PPP3CC: variants seen among roughly 807,000 people sequenced by gnomAD.
PPP3CC encodes the protein protein phosphatase 3 catalytic subunit gamma.
PPP3CC carries 35 observed loss-of-function variants against 60.3 expected under a neutral mutation model. That is an observed-to-expected ratio of 0.58 (90% confidence interval 0.44 to 0.77). PPP3CC has a LOEUF of 0.77. PPP3CC is among the 30% of genes least tolerant of loss of function. PPP3CC has a pLI of 0.00. For synonymous variants in PPP3CC, 206 were observed against 224.3 expected, an observed-to-expected ratio of 0.92 and a Z score of 0.73; for missense variants, 570 against 628.9, an observed-to-expected ratio of 0.91 and a Z score of 1.00.
rs768418660 is a variant in PPP3CC, at chr8:22,532,241, T to C, written c.1158T>C (p.Arg386=). ...DDEAEGSTTV[R]KEIIRNKIRA... Reference sequence around the variant, plus strand: ...TTCTCTAAGGAAGCACTACAGTTCGTAAGGAGATCATCAGGAATAAGATCA... The same window carrying C: ...TTCTCTAAGGAAGCACTACAGTTCGCAAGGAGATCATCAGGAATAAGATCA... Residue 386 remains arginine, a synonymous_variant, in exon 11 of 14, where the codon CGT becomes CGC. Coordinates refer to ENST00000240139, the MANE Select transcript of PPP3CC (RefSeq NM_005605.5). The C allele has an allele frequency of 1.2e-6, 2 of 1,612,364 alleles. No individual in the cohort carries two copies. The highest frequency in any genetic ancestry group is 2.2e-5 in the South Asian group (2 of 91,038).
chr8:22,493,452 A>G (rs528223089), intron 3 of PPP3CC, among the ~76,000 whole-genome samples: 10 of 152,164 alleles, frequency 6.6e-5, no homozygotes, highest in African/African-American at 2.4e-4. Context: ...AAGTGGTATT[A>G]TGAGTGAATG....
intron 5 of PPP3CC, among the ~76,000 whole-genome samples, chr8:22,512,527 G>A (rs966007405): frequency 7.9e-5 from 12 of 152,052 alleles, no homozygotes; most frequent in Admixed American, 1.3e-4. Context: ...TACAAAATTA[G>A]CATTCTTTAA....
At chr8:22,459,685 G>C (rs985962390) in intron 1 of PPP3CC, among the ~76,000 whole-genome samples, 30 of 152,244 alleles carry the variant, frequency 2.0e-4, no homozygotes, top group African/African-American at 7.2e-4. Flanking sequence ...AAGTACAAGA[G>C]ATTATTTAAT....
At chr8:22,478,215 G>C (rs796182102) in intron 3 of PPP3CC, among the ~76,000 whole-genome samples, 11 of 151,530 alleles carry the variant, frequency 7.3e-5, no homozygotes, top group African/African-American at 2.4e-4. Context: ...GCAGTGGCAC[G>C]ATCTTGGCTC....
rs1315306472 is a variant in PPP3CC at position 22,519,559 on chromosome 8, T to C, written c.771-2932T>C. 2.6e-5 allele frequency among the ~76,000 whole-genome samples: 4 copies of C among 152,244 alleles called. No individual in the cohort carries two copies. In the East Asian group the frequency reaches 5.8e-4, roughly 22 times the overall value. On this transcript the variant is annotated intron_variant, in intron 6 of 13. Transcript: ENST00000240139. ...GTTTGCATCAAACATTTTATAGTTATAGCACTCTGTCTTACGCTGAGAAGA... is the reference window on the plus strand; with the variant it reads ...GTTTGCATCAAACATTTTATAGTTACAGCACTCTGTCTTACGCTGAGAAGA...
At chr8:22,539,332 C>A in intron 12 of PPP3CC, 137 bp from the exon 13 acceptor site, 1 of 668,654 alleles carries the variant, frequency 1.5e-6, no homozygotes, top group Non-Finnish European at 2.5e-6. Context: ...GCTTCTCTAA[C>A]TAGTTGACTT....
chr8:22,507,839 G>A (rs1000966921), intron 4 of PPP3CC, among the ~76,000 whole-genome samples: 1 of 152,168 alleles, frequency 6.6e-6, no homozygotes, highest in Non-Finnish European at 1.5e-5. Flanking sequence ...GGAGGGGGCT[G>A]CAGTTCTTCA....
At chr8:22,505,424 A>C (rs1231135074) in intron 4 of PPP3CC, among the ~76,000 whole-genome samples, 1 of 152,170 alleles carries the variant, frequency 6.6e-6, no homozygotes, top group Non-Finnish European at 1.5e-5. Context: ...TGTTATGACA[A>C]CTGGATTTTT....
At chr8:22,473,339 A>T (rs1205592613) in intron 1 of PPP3CC, among the ~76,000 whole-genome samples, 1 of 152,202 alleles carries the variant, frequency 6.6e-6, no homozygotes, top group East Asian at 1.9e-4. Context: ...ACAACAGCCA[A>T]TTTAAAAATA....
At position 22,453,503 on chromosome 8, in the gene PPP3CC, A is replaced by G. The variant is rs535815690; in HGVS notation, c.49+12045A>G. On this transcript the variant is annotated intron_variant, in intron 1 of 13. Transcript: ENST00000240139. ...CCAAAATCCCTGAATATTCAAGTCC[A>G]GAAGTTGGCCCTGTGGAACCTGAGA... Among the ~76,000 whole-genome samples, 59 of 152,338 alleles carry G rather than the reference A, an allele frequency of 3.9e-4. 1 individual carries two copies. The highest frequency in any genetic ancestry group is 3.4e-3 in the Middle Eastern group (1 of 294).
chr8:22,523,196 A>G (rs1313742578), intron 8 of PPP3CC, among the ~76,000 whole-genome samples: 3 of 149,888 alleles, frequency 2.0e-5, no homozygotes, highest in Non-Finnish European at 3.0e-5. Context: ...TACAAAGTCA[A>G]AAAAAAACCT....
At chr8:22,442,172 C>T (rs1836692653) in intron 1 of PPP3CC, among the ~76,000 whole-genome samples, 1 of 152,134 alleles carries the variant, frequency 6.6e-6, no homozygotes, top group African/African-American at 2.4e-5. Flanking sequence ...AGTTGTTTCT[C>T]CCTTTAAACT....
At chr8:22,510,956 A>G (rs1231324225) in intron 4 of PPP3CC, 130 bp from the exon 5 acceptor site, 5 of 1,009,384 alleles carry the variant, frequency 5.0e-6, no homozygotes, top group Non-Finnish European at 7.3e-6. Flanking sequence ...TATCTTTACA[A>G]AGATAATTGT....
At chr8:22,460,502 G>A (rs1017469670) in intron 1 of PPP3CC, among the ~76,000 whole-genome samples, 23 of 151,862 alleles carry the variant, frequency 1.5e-4, no homozygotes, top group East Asian at 5.8e-4. Flanking sequence ...CAAAACTTTC[G>A]AAACTTTAAA....
At chr8:22,468,364 C>G (rs113466409) in intron 1 of PPP3CC, among the ~76,000 whole-genome samples, 1 of 152,136 alleles carries the variant, frequency 6.6e-6, no homozygotes, top group African/African-American at 2.4e-5. Flanking sequence ...CTTGGCCTCC[C>G]GAAGTGCTGT....
intron 13 of PPP3CC, among the ~76,000 whole-genome samples, chr8:22,539,819 C>T (rs949841248): frequency 2.0e-5 from 3 of 152,156 alleles, no homozygotes; most frequent in Admixed American, 2.0e-4. Context: ...AAGAGACATC[C>T]ATTTGATTCT....
intron 1 of PPP3CC, among the ~76,000 whole-genome samples, chr8:22,462,967 C>T (rs1837407188): frequency 6.6e-6 from 1 of 152,154 alleles, no homozygotes; most frequent in African/African-American, 2.4e-5. Flanking sequence ...TTTGGATTTT[C>T]CTTTGGGCAA....
At chr8:22,530,839 A>AAAAAAAAAAAAAAAAC in intron 10 of PPP3CC, among the ~76,000 whole-genome samples, 1 of 136,128 alleles carries the variant, frequency 7.3e-6, no homozygotes, top group African/African-American at 3.5e-5. Flanking sequence ...CAAAAAAAAA[A>AAAAAAAAAAAAAAAAC]AAAAAAAAAA....
At chr8:22,519,983 CTTTAG>C (rs1225990053) in intron 6 of PPP3CC, among the ~76,000 whole-genome samples, 2 of 152,108 alleles carry the variant, frequency 1.3e-5, no homozygotes, top group East Asian at 3.9e-4. Flanking sequence ...CTTGAACTTC[CTTTAG>C]TTGCTCTCAT....
Sources: allele counts gnomAD v4.1 joint callset (sites outside exome capture counted in the v4.1 genomes callset), GRCh38; gene constraint gnomAD v4.1.1; transcripts MANE v1.5; gene names NCBI Gene and HGNC (gene_info 2026-07-23, HGNC 2026-07-21).